CEP128: variants seen among roughly 807,000 people sequenced by gnomAD.
CEP128 encodes centrosomal protein 128kDa.
A neutral mutation model predicts 156.7 loss-of-function variants in CEP128; 132 were observed. The ratio of observed to expected loss-of-function variants is 0.84; its 90% CI spans 0.73 to 0.97. The LOEUF (loss-of-function observed/expected upper bound fraction) is 0.97, where lower values mean the gene tolerates loss of function less well. Among genes scored for constraint, CEP128 ranks in the 50% least tolerant of loss-of-function variants. CEP128 has a pLI of 0.00. For missense variants in CEP128, 1,252 were observed against 1,281.9 expected (o/e 0.98, Z 0.36); for synonymous variants, 469 against 448.9 (o/e 1.04, Z -0.57).
intron 8 of CEP128, among the ~76,000 whole-genome samples, chr14:80,893,905 G>T (rs1034044522): frequency 1.3e-4 from 20 of 152,006 alleles, no homozygotes; most frequent in Non-Finnish European, 2.5e-4. Flanking sequence ...AGATACGACT[G>T]TAAAGTAGTG....
intron 13 of CEP128, among the ~76,000 whole-genome samples, chr14:80,820,342 C>T (rs1014379022): frequency 1.3e-5 from 2 of 152,258 alleles, no homozygotes; most frequent in Admixed American, 1.3e-4. Context: ...AGAAATCATA[C>T]AAACCTCTGA....
At chr14:80,908,946 A>G (rs1438390341) in intron 4 of CEP128, among the ~76,000 whole-genome samples, 1 of 151,914 alleles carries the variant, frequency 6.6e-6, no homozygotes, top group Non-Finnish European at 1.5e-5. Flanking sequence ...TGCCTATACT[A>G]TCACCCTTTG....
chr14:80,553,267 A>G (rs1890288574), intron 21 of CEP128, among the ~76,000 whole-genome samples: 1 of 151,928 alleles, frequency 6.6e-6, no homozygotes, highest in African/African-American at 2.4e-5. Flanking sequence ...GACATGCCCT[A>G]GTGTGTGATG....
At chr14:80,672,420 A>G (rs72690941) in intron 19 of CEP128, among the ~76,000 whole-genome samples, 1 of 152,128 alleles carries the variant, frequency 6.6e-6, no homozygotes, top group African/African-American at 2.4e-5. Context: ...GAAATAATCT[A>G]ATTTCTATAA....
At chr14:80,501,510 TTTTC>T (rs1887732662) in intron 24 of CEP128, among the ~76,000 whole-genome samples, 1 of 152,056 alleles carries the variant, frequency 6.6e-6, no homozygotes, top group Middle Eastern at 3.4e-3. Context: ...TTCTTTTTCT[TTTTC>T]TTTTTTTTGT....
intron 20 of CEP128, among the ~76,000 whole-genome samples, chr14:80,578,372 C>T (rs1404856018): frequency 6.6e-6 from 1 of 152,034 alleles, no homozygotes; most frequent in African/African-American, 2.4e-5. Flanking sequence ...AGGAGAATGA[C>T]ATAAAATGCA....
intron 8 of CEP128, among the ~76,000 whole-genome samples, chr14:80,887,692 G>A (rs146837215): frequency 5.7e-4 from 87 of 152,150 alleles, no homozygotes; most frequent in Admixed American, 1.2e-3. Context: ...ACCTAAAATC[G>A]ATACCCTAAC....
intron 19 of CEP128, among the ~76,000 whole-genome samples, chr14:80,625,850 C>CTTT (rs1372990237): frequency 2.1e-5 from 3 of 139,956 alleles, no homozygotes; most frequent in African/African-American, 5.3e-5. Context: ...TTTTCTCTTT[C>CTTT]TTTCCTTTCT....
chr14:80,505,753 C>T lies in CEP128; in HGVS notation c.3073-733G>A, dbSNP rs1887941811. Among the ~76,000 whole-genome samples, 4 of 152,182 alleles carry T rather than the reference C, an allele frequency of 2.6e-5. No homozygotes were observed. The South Asian group carries it at 8.3e-4, about 31-fold the overall frequency. ...AGATTTAAAATACGTGTTTAATATA[C>T]TTTCCTTTGATAAACAGTAAAACTG... On this transcript the variant is annotated intron_variant, in intron 23 of 24. Coordinates refer to ENST00000555265, the MANE Select transcript of CEP128 (RefSeq NM_152446.5).
chr14:80,656,294 TATATATATATA>T (rs1895151159), intron 19 of CEP128, among the ~76,000 whole-genome samples: 3 of 2,854 alleles, frequency 1.1e-3, no homozygotes, highest in African/African-American at 3.5e-3. Flanking sequence ...TATATATTTA[TATATATATATA>T]TATATATATA....
intron 19 of CEP128, among the ~76,000 whole-genome samples, chr14:80,589,078 A>C (rs1304010989): frequency 6.6e-6 from 1 of 152,134 alleles, no homozygotes; most frequent in East Asian, 1.9e-4. Context: ...ACTGTGAAAA[A>C]GACTCAAGTG....
chr14:80,931,583 A>T (rs994930293), intron 2 of CEP128, among the ~76,000 whole-genome samples: 2 of 152,206 alleles, frequency 1.3e-5, no homozygotes, highest in African/African-American at 2.4e-5. Context: ...TCTTTTAGAA[A>T]TACAGTCACT....
intron 21 of CEP128, 121 bp downstream of exon 21, chr14:80,559,158 G>A: frequency 1.2e-6 from 1 of 856,406 alleles, no homozygotes; most frequent in Non-Finnish European, 1.9e-6. Context: ...TTTCCCCTTT[G>A]ACATCTTAGA....
intron 13 of CEP128, among the ~76,000 whole-genome samples, chr14:80,827,102 A>G (rs1194381131): frequency 1.3e-5 from 2 of 152,174 alleles, no homozygotes; most frequent in Non-Finnish European, 2.9e-5. Flanking sequence ...CAACTGCTTG[A>G]AATATATATT....
chr14:80,857,221 T>A (rs1887227966), intron 9 of CEP128, among the ~76,000 whole-genome samples: 1 of 151,270 alleles, frequency 6.6e-6, no homozygotes, highest in Non-Finnish European at 1.5e-5. Flanking sequence ...TTGGCTTTTT[T>A]TTTTTTTTTA....
chr14:80,648,641 T>C (rs1240333441), intron 19 of CEP128, among the ~76,000 whole-genome samples: 2 of 152,152 alleles, frequency 1.3e-5, no homozygotes, highest in African/African-American at 2.4e-5. Context: ...AATACCTACA[T>C]ATTTGTAAAC....
At chr14:80,840,861 A>G in intron 9 of CEP128, 93 bp from the exon 10 acceptor site, 1 of 763,118 alleles carries the variant, frequency 1.3e-6, no homozygotes, top group South Asian at 1.6e-5. Flanking sequence ...GCTGAAGAAG[A>G]CATGGATATG....
rs200111134 is a variant in CEP128, at chr14:80,836,170, C to T, written c.1057+35G>A. ...AGAAAAACCAAAAAGCCCCCACACA[C>T]ATTATCACATTATTAGGTACAAATC... is the stretch of plus-strand genomic sequence containing the variant. On this transcript the variant is annotated intron_variant, in intron 12 of 24. Coordinates refer to ENST00000555265, the MANE Select transcript of CEP128 (RefSeq NM_152446.5). 7.8e-5 allele frequency: 126 copies of T among 1,607,050 alleles called. 1 individual carries two copies. In the Middle Eastern group the frequency reaches 1.8e-3, roughly 23 times the overall value.
chr14:80,863,123 G>C (rs898711100), intron 8 of CEP128, among the ~76,000 whole-genome samples: 9 of 152,146 alleles, frequency 5.9e-5, no homozygotes, highest in Non-Finnish European at 1.2e-4. Flanking sequence ...CAAATTTTTT[G>C]AGGTATGATA....
Sources: gnomAD v4.1 joint callset for allele counts (sites outside exome capture counted in the v4.1 genomes callset) on GRCh38, gnomAD v4.1.1 for gene constraint, MANE v1.5 for transcripts, NCBI Gene and HGNC (gene_info 2026-07-23, HGNC 2026-07-21) for gene names.